LRP1B: variants seen among roughly 807,000 people sequenced by gnomAD.
The protein encoded by LRP1B is LDL receptor related protein 1B.
Under a neutral mutation model 556.6 loss-of-function variants are expected in LRP1B, and 217 were observed. That is an observed-to-expected ratio of 0.39 (90% CI 0.35 to 0.44). The LOEUF is 0.44. Ranked by LOEUF, LRP1B falls within the 20% of genes least tolerant of loss-of-function variation. The pLI is 1.00. For missense variants in LRP1B, 5,053 were observed against 5,620.8 expected (o/e 0.90, Z 3.23); for synonymous variants, 2,047 against 1,865.8 (o/e 1.10, Z -2.50).
intron 35 of LRP1B, among the ~76,000 whole-genome samples, chr2:140,733,106 T>C (rs1012327810): frequency 3.9e-5 from 6 of 152,158 alleles, no homozygotes. Flanking sequence ...GACTAGTAGA[T>C]AATTGGATAG....
At chr2:140,889,586 C>G (rs114048981) in intron 23 of LRP1B, among the ~76,000 whole-genome samples, 296 of 152,312 alleles carry the variant, frequency 1.9e-3, no homozygotes, top group African/African-American at 6.8e-3. Context: ...CGTAAGCCAC[C>G]TGGCCCAGCC....
At chr2:140,302,053 C>T (rs971087838) in intron 83 of LRP1B, among the ~76,000 whole-genome samples, 7 of 152,084 alleles carry the variant, frequency 4.6e-5, no homozygotes, top group African/African-American at 1.7e-4. Context: ...GCTAATATCT[C>T]TAGCTGGAAG....
At chr2:141,459,228 A>G (rs1573967937) in intron 3 of LRP1B, among the ~76,000 whole-genome samples, 1 of 152,288 alleles carries the variant, frequency 6.6e-6, no homozygotes, top group East Asian at 1.9e-4. Flanking sequence ...AGAGGTATAA[A>G]TCAAACACAC....
At chr2:140,635,150 C>T (rs1029236694) in intron 41 of LRP1B, among the ~76,000 whole-genome samples, 1 of 151,948 alleles carries the variant, frequency 6.6e-6, no homozygotes, top group African/African-American at 2.4e-5. Flanking sequence ...TTATCATTTC[C>T]TATTTTGAGA....
At chr2:140,890,270 G>T (rs951061410) in intron 23 of LRP1B, among the ~76,000 whole-genome samples, 11 of 152,112 alleles carry the variant, frequency 7.2e-5, no homozygotes, top group African/African-American at 2.4e-4. Flanking sequence ...ATACACAGAG[G>T]GCTTCAAAGT....
chr2:141,069,512 A>T (rs1349905601), intron 7 of LRP1B, among the ~76,000 whole-genome samples: 1 of 152,038 alleles, frequency 6.6e-6, no homozygotes, highest in South Asian at 2.1e-4. Context: ...TCAGCAAGAG[A>T]AAGGCTGGTA....
intron 2 of LRP1B, among the ~76,000 whole-genome samples, chr2:141,721,627 G>T (rs545520659): frequency 6.6e-6 from 1 of 152,154 alleles, no homozygotes; most frequent in East Asian, 1.9e-4. Flanking sequence ...TTTAAAACAT[G>T]ACTTTTTGCT....
At chr2:140,337,953 T>G (rs80341779) in intron 77 of LRP1B, among the ~76,000 whole-genome samples, 13,066 of 151,764 alleles carry the variant, frequency 0.086, 764 homozygotes, top group Middle Eastern at 0.13. Flanking sequence ...TTCAGAAGTT[T>G]GATTTAGTGA....
chr2:141,473,759 T>C (rs1294385923), intron 3 of LRP1B, among the ~76,000 whole-genome samples: 1 of 152,178 alleles, frequency 6.6e-6, no homozygotes, highest in African/African-American at 2.4e-5. Flanking sequence ...TCCCTCCCTG[T>C]GCTTTAAGCT....
intron 1 of LRP1B, among the ~76,000 whole-genome samples, chr2:141,924,151 C>T (rs10928131): frequency 0.86 from 130,841 of 151,722 alleles, 56,575 homozygotes; most frequent in East Asian, 1. Context: ...CATATAACCT[C>T]GAACCCCAGG....
chr2:141,224,782 A>G (rs972655989), intron 6 of LRP1B, among the ~76,000 whole-genome samples: 2 of 151,924 alleles, frequency 1.3e-5, no homozygotes, highest in African/African-American at 4.8e-5. Context: ...ACACATGGAT[A>G]CAAGGAGGGG....
At chr2:140,889,208 AG>A (rs1693729390) in intron 23 of LRP1B, among the ~76,000 whole-genome samples, 1 of 152,224 alleles carries the variant, frequency 6.6e-6, no homozygotes, top group Non-Finnish European at 1.5e-5. Flanking sequence ...TAAAACAGCA[AG>A]ACCACACCCA....
intron 47 of LRP1B, among the ~76,000 whole-genome samples, chr2:140,533,407 A>C (rs2104992424): frequency 6.6e-6 from 1 of 152,248 alleles, no homozygotes; most frequent in Non-Finnish European, 1.5e-5. Context: ...CAGCAGTTCT[A>C]ACTCAGGTAG....
At chr2:140,675,053 A>C (rs1168996030) in intron 41 of LRP1B, among the ~76,000 whole-genome samples, 1 of 152,142 alleles carries the variant, frequency 6.6e-6, no homozygotes, top group African/African-American at 2.4e-5. Flanking sequence ...TGGCCACTTC[A>C]TTCTAATCTC....
intron 5 of LRP1B, among the ~76,000 whole-genome samples, chr2:141,242,655 T>C (rs1683921673): frequency 6.6e-6 from 1 of 152,044 alleles, no homozygotes; most frequent in Admixed American, 6.6e-5. Flanking sequence ...GGCAAAGAGG[T>C]ACACTCTCAA....
At chr2:140,516,434 AT>A (rs77030217) in intron 50 of LRP1B, among the ~76,000 whole-genome samples, 32,333 of 151,988 alleles carry the variant, frequency 0.21, 4,163 homozygotes, top group East Asian at 0.5. Flanking sequence ...AGGCTGCTTT[AT>A]ATAAGGGACT....
intron 1 of LRP1B, among the ~76,000 whole-genome samples, chr2:142,054,218 A>C (rs1704575128): frequency 6.6e-6 from 1 of 152,134 alleles, no homozygotes; most frequent in African/African-American, 2.4e-5. Context: ...TTTAACACAA[A>C]TGTTTAATTT....
chr2:141,558,127 G>A (rs1686028101), intron 2 of LRP1B, among the ~76,000 whole-genome samples: 1 of 151,838 alleles, frequency 6.6e-6, no homozygotes, highest in Non-Finnish European at 1.5e-5. Flanking sequence ...TTGCTCTTTG[G>A]AATTGAAGTG....
At chr2:140,790,720 T>C (rs1013804885) in intron 32 of LRP1B, among the ~76,000 whole-genome samples, 1 of 152,186 alleles carries the variant, frequency 6.6e-6, no homozygotes, top group East Asian at 1.9e-4. Context: ...TGGTTTCCTC[T>C]TGGAGATTGT....
Sources: allele counts gnomAD v4.1 joint callset (sites outside exome capture counted in the v4.1 genomes callset), GRCh38; gene constraint gnomAD v4.1.1; transcripts MANE v1.5; gene names NCBI Gene and HGNC (gene_info 2026-07-23, HGNC 2026-07-21).